Variants in ARHGAP15 observed in about 807,000 individuals in gnomAD.
ARHGAP15 encodes the protein rho GTPase-activating protein 15.
A neutral mutation model predicts 63.7 loss-of-function variants in ARHGAP15; 51 were observed. The ratio of observed to expected loss-of-function variants is 0.80; its 90% CI spans 0.64 to 1.01. The LOEUF (loss-of-function observed/expected upper bound fraction) is 1.01, where lower values mean the gene tolerates loss of function less well. Among genes scored for constraint, ARHGAP15 ranks in the 50% least tolerant of loss-of-function variants. The probability of loss-of-function intolerance (pLI) is 0.00; values close to 1 mark genes in which losing one functional copy is unlikely to be tolerated. For missense variants in ARHGAP15, 560 were observed against 564.6 expected (o/e 0.99, Z 0.08); for synonymous variants, 191 against 193.8 (o/e 0.99, Z 0.12).
chr2:143,521,632 T>G (rs1694064984), intron 10 of ARHGAP15, among the ~76,000 whole-genome samples: 1 of 152,036 alleles, frequency 6.6e-6, no homozygotes, highest in Non-Finnish European at 1.5e-5. Flanking sequence ...GCCAAGAAAC[T>G]CAACTGCAGA....
intron 13 of ARHGAP15, among the ~76,000 whole-genome samples, chr2:143,741,501 C>A (rs992987812): frequency 6.6e-6 from 1 of 152,112 alleles, no homozygotes; most frequent in African/African-American, 2.4e-5. Flanking sequence ...ATGTTTTAAC[C>A]CTCATGTGCC....
chr2:143,708,968 A>AGAATCTTATCAACTACATATTCACCTG (rs1684453075), intron 13 of ARHGAP15, among the ~76,000 whole-genome samples: 1 of 152,158 alleles, frequency 6.6e-6, no homozygotes, highest in African/African-American at 2.4e-5. Context: ...ATATCCACCT[A>AGAATCTTATCAACTACATATTCACCTG]GAATCTTATC....
At chr2:143,688,297 A>G (rs1574842559) in intron 12 of ARHGAP15, among the ~76,000 whole-genome samples, 1 of 152,310 alleles carries the variant, frequency 6.6e-6, no homozygotes, top group Middle Eastern at 3.4e-3. Context: ...CAGCTTTGAT[A>G]TTTTTGAAAG....
chr2:143,311,927 C>G (rs1218157511), intron 6 of ARHGAP15, among the ~76,000 whole-genome samples: 5 of 152,142 alleles, frequency 3.3e-5, no homozygotes, highest in Non-Finnish European at 7.4e-5. Flanking sequence ...CAATGCGCCT[C>G]AAGAACTGTT....
chr2:143,469,323 A>G (rs1396366167), intron 8 of ARHGAP15, among the ~76,000 whole-genome samples: 1 of 152,220 alleles, frequency 6.6e-6, no homozygotes, highest in Non-Finnish European at 1.5e-5. Flanking sequence ...ACTAAAATTC[A>G]GAAACCTAAT....
At chr2:143,622,781 TAA>T (rs34925907) in intron 11 of ARHGAP15, among the ~76,000 whole-genome samples, 3,363 of 108,982 alleles carry the variant, frequency 0.031, 93 homozygotes, top group Non-Finnish European at 0.042. Context: ...TTCATTTATT[TAA>T]AAAAAAAAAA....
At chr2:143,570,289 C>T (rs1326942963) in intron 11 of ARHGAP15, among the ~76,000 whole-genome samples, 1 of 152,162 alleles carries the variant, frequency 6.6e-6, no homozygotes, top group Non-Finnish European at 1.5e-5. Flanking sequence ...GGAACCTCCC[C>T]CCAAACCACA....
intron 12 of ARHGAP15, among the ~76,000 whole-genome samples, chr2:143,625,151 T>C (rs1266341798): frequency 6.6e-6 from 1 of 151,912 alleles, no homozygotes; most frequent in Admixed American, 6.6e-5. Context: ...AAAGGTAAAA[T>C]TAAAAACCTT....
chr2:143,153,800 C>A (rs1689938220), intron 1 of ARHGAP15, among the ~76,000 whole-genome samples: 4 of 58,046 alleles, frequency 6.9e-5, no homozygotes, highest in African/African-American at 2.5e-4. Flanking sequence ...TCTTCTTCTT[C>A]TTCTTCTTCT....
At chr2:143,683,904 G>A (rs1559124391) in intron 12 of ARHGAP15, among the ~76,000 whole-genome samples, 1 of 152,060 alleles carries the variant, frequency 6.6e-6, no homozygotes, top group Non-Finnish European at 1.5e-5. Flanking sequence ...GCTGATATTT[G>A]TCTTGATGGG....
chr2:143,471,370 G>C (rs2105189555), intron 8 of ARHGAP15, among the ~76,000 whole-genome samples: 1 of 151,896 alleles, frequency 6.6e-6, no homozygotes, highest in African/African-American at 2.4e-5. Context: ...CTAGAACTGA[G>C]ACTAGAGTCT....
chr2:143,642,473 C>A (rs550013291), intron 12 of ARHGAP15, among the ~76,000 whole-genome samples: 123 of 152,198 alleles, frequency 8.1e-4, no homozygotes, highest in African/African-American at 2.9e-3. Context: ...CTCAGGTGAT[C>A]CTGGCGGCAG....
intron 12 of ARHGAP15, among the ~76,000 whole-genome samples, chr2:143,661,230 C>A (rs1264275654): frequency 6.6e-6 from 1 of 152,218 alleles, no homozygotes; most frequent in Admixed American, 6.5e-5. Flanking sequence ...AAGTCCTTAA[C>A]TTGATCACAC....
At chr2:143,693,719 G>C (rs73961839) in intron 12 of ARHGAP15, among the ~76,000 whole-genome samples, 3 of 152,110 alleles carry the variant, frequency 2.0e-5, no homozygotes, top group Admixed American at 2.0e-4. Flanking sequence ...TCATTAGGAC[G>C]TTGATAGTTA....
chr2:143,289,275 G>C (rs926810687), intron 6 of ARHGAP15, among the ~76,000 whole-genome samples: 4 of 152,098 alleles, frequency 2.6e-5, no homozygotes, highest in Non-Finnish European at 5.9e-5. Flanking sequence ...GCTTCCCTGG[G>C]GACCAACTAT....
At chr2:143,677,911 T>A (rs916713909) in intron 12 of ARHGAP15, among the ~76,000 whole-genome samples, 5 of 152,190 alleles carry the variant, frequency 3.3e-5, no homozygotes, top group African/African-American at 1.2e-4. Context: ...GGCTTTCTTA[T>A]GAAAATCCAA....
At chr2:143,212,137 C>T (rs1692585102) in intron 3 of ARHGAP15, among the ~76,000 whole-genome samples, 1 of 146,038 alleles carries the variant, frequency 6.8e-6, no homozygotes. Flanking sequence ...GAAGCCTTCT[C>T]ATAAAAAAAA....
chr2:143,707,203 T>G (rs1329819602), intron 13 of ARHGAP15, among the ~76,000 whole-genome samples: 1 of 151,548 alleles, frequency 6.6e-6, no homozygotes, highest in Non-Finnish European at 1.5e-5. Flanking sequence ...CCCAGGGGAG[T>G]TGCAATTGGA....
chr2:143,382,646 G>T (rs140695007), intron 6 of ARHGAP15, among the ~76,000 whole-genome samples: 288 of 152,176 alleles, frequency 1.9e-3, no homozygotes, highest in African/African-American at 6.6e-3. Flanking sequence ...TCTTGAGGGG[G>T]ACACAATTCA....
Sources: gnomAD v4.1 joint callset for allele counts (sites outside exome capture counted in the v4.1 genomes callset) on GRCh38, gnomAD v4.1.1 for gene constraint, MANE v1.5 for transcripts, NCBI Gene and HGNC (gene_info 2026-07-23, HGNC 2026-07-21) for gene names.